Variants in RAP1GAP2 observed in about 807,000 individuals in gnomAD.
The protein encoded by RAP1GAP2 is RAP1 GTPase activating protein 2, also known as rap1 GTPase-activating protein 2.
RAP1GAP2 carries 27 observed loss-of-function variants against 95.0 expected under a neutral mutation model. The ratio of observed to expected loss-of-function variants is 0.28; its 90% CI spans 0.21 to 0.39. The LOEUF is 0.39. RAP1GAP2 is among the 10% of genes least tolerant of loss of function. RAP1GAP2 has a pLI of 1.00. For missense variants in RAP1GAP2, 771 were observed against 970.0 expected, an observed-to-expected ratio of 0.79 and a Z score of 2.72; for synonymous variants, 373 against 380.9, an observed-to-expected ratio of 0.98 and a Z score of 0.24.
intron 2 of RAP1GAP2, among the ~76,000 whole-genome samples, chr17:2,895,997 C>G (rs369833157): frequency 3.2e-4 from 49 of 152,034 alleles, no homozygotes; most frequent in African/African-American, 1.2e-3. Context: ...TGCTTCTGTG[C>G]CCTCCCCTTC....
chr17:2,933,421 C>G (rs1022942787), intron 3 of RAP1GAP2, among the ~76,000 whole-genome samples: 1 of 152,214 alleles, frequency 6.6e-6, no homozygotes, highest in Non-Finnish European at 1.5e-5. Flanking sequence ...GGAGAGGGTA[C>G]AAGCTGCGGA....
intron 19 of RAP1GAP2, among the ~76,000 whole-genome samples, chr17:3,025,560 A>G (rs1004209807): frequency 2.6e-5 from 4 of 152,188 alleles, no homozygotes; most frequent in Non-Finnish European, 5.9e-5. Context: ...ATTCTAGTCT[A>G]TATGAAGGAT....
rs545648656 is a variant in RAP1GAP2, at chr17:2,777,482, T to G, written c.-14+204T>G. 2.0e-5 allele frequency among the ~76,000 whole-genome samples: 3 copies of G among 152,224 alleles called. No homozygotes were observed. In the East Asian group the frequency reaches 5.8e-4, roughly 29 times the overall value. On this transcript the variant is annotated intron_variant, in intron 1 of 24. Coordinates refer to the RAP1GAP2 transcript ENST00000540393. ...GCGGGGCCCGATTTCAGCCTGATCCTCATTTCCAGAGGCCTGGATGGGTGT... is the reference window on the plus strand; with the variant it reads ...GCGGGGCCCGATTTCAGCCTGATCCGCATTTCCAGAGGCCTGGATGGGTGT...
intron 3 of RAP1GAP2, among the ~76,000 whole-genome samples, chr17:2,907,327 A>T (rs1294705264): frequency 1.3e-5 from 2 of 152,214 alleles, no homozygotes; most frequent in African/African-American, 4.8e-5. Flanking sequence ...GATGCGGGGC[A>T]GGCAAGACCC....
chr17:2,825,913 G>A lies in RAP1GAP2; in HGVS notation c.80+25363G>A, dbSNP rs1395718694. The stretch of plus-strand genomic sequence containing the variant: ...TTCTTGAAGGAGGCGGCGCTGGAAG[G>A]TTGAAAAGGAATCCCTAGGAAGAGA... On this transcript the variant is annotated intron_variant, in intron 2 of 24. Coordinates refer to ENST00000254695, the MANE Select transcript of RAP1GAP2 (RefSeq NM_015085.5). The surrounding 1 kb of genome is among the most constrained non-coding windows in gnomAD (Gnocchi z 4.1). Among the ~76,000 whole-genome samples the A allele has an allele frequency of 3.3e-5, 5 of 151,888 alleles. No individual in the cohort carries two copies. The East Asian group carries it at 7.7e-4, about 23-fold the overall frequency.
chr17:2,999,790 A>AC (rs1451394723), intron 14 of RAP1GAP2, among the ~76,000 whole-genome samples: 1 of 151,948 alleles, frequency 6.6e-6, no homozygotes, highest in African/African-American at 2.4e-5. Context: ...CTAAAAAAAA[A>AC]AAAAAACAGA....
intron 2 of RAP1GAP2, among the ~76,000 whole-genome samples, chr17:2,804,300 G>T (rs1303649825): frequency 6.6e-6 from 1 of 152,224 alleles, no homozygotes. Context: ...TTCACTGTGT[G>T]CTCAGGCTTC....
At position 2,868,093 on chromosome 17, in the gene RAP1GAP2, G is replaced by C. The variant is rs140488787; in HGVS notation, c.81-37191G>C. Among the ~76,000 whole-genome samples, 962 of 152,312 alleles carry C rather than the reference G, an allele frequency of 6.3e-3. 6 individuals are homozygous for C. Among genetic ancestry groups the C allele is most frequent in the African/African-American group, 0.022 (902 of 41,558 alleles). On this transcript the variant is annotated intron_variant, in intron 2 of 24. Coordinates refer to ENST00000254695, the MANE Select transcript of RAP1GAP2 (RefSeq NM_015085.5). ...GCTCTCGGCTCTGGGATTGGATAAT[G>C]TGTCCCCTTCCTGTTTTGCTTATGC... is the stretch of plus-strand genomic sequence containing the variant.
At chr17:2,839,257 C>T (rs917625268) in intron 2 of RAP1GAP2, among the ~76,000 whole-genome samples, 2 of 151,844 alleles carry the variant, frequency 1.3e-5, no homozygotes, top group African/African-American at 4.8e-5. Flanking sequence ...AACCAGTGAG[C>T]CGAGGTCACG....
At chr17:2,765,359 A>G (rs943838094) in intron 1 of RAP1GAP2, among the ~76,000 whole-genome samples, 5 of 151,846 alleles carry the variant, frequency 3.3e-5, no homozygotes, top group African/African-American at 1.2e-4. Context: ...GGTAGCTAAC[A>G]CCTGTAATCC....
chr17:3,002,412 C>A lies in RAP1GAP2; in HGVS notation c.1201-2957C>A, dbSNP rs369576009. On this transcript the variant is annotated intron_variant, in intron 14 of 24. Transcript: ENST00000254695. ...CAGACACTGAGGCTGGAAGGCCAGA[C>A]GTGTGAATGAGGCCAGGGAGGGGGA... 6.6e-5 allele frequency among the ~76,000 whole-genome samples: 10 copies of A among 152,320 alleles called. 1 individual carries two copies. The South Asian group carries it at 2.1e-3, about 32-fold the overall frequency.
Position 2,810,357 on chromosome 17 carries a change from G to A in RAP1GAP2, c.80+9807G>A, listed in dbSNP as rs2069710750. On this transcript the variant is annotated intron_variant, in intron 2 of 24. Transcript: ENST00000254695. ...GCTTGAGATTTAAAAAGTCAAATTA[G>A]TCGTTTTTTTTTTTTAATTATACTT... Among the ~76,000 whole-genome samples the A allele has an allele frequency of 2.0e-5, 3 of 151,238 alleles. No individual in the cohort carries two copies. The South Asian group carries it at 6.3e-4, about 32-fold the overall frequency.
intron 14 of RAP1GAP2, among the ~76,000 whole-genome samples, chr17:3,000,489 C>G (rs554303265): frequency 0.048 from 997 of 20,874 alleles, 4 homozygotes; most frequent in Middle Eastern, 0.1. Flanking sequence ...AAGTGGGGCT[C>G]GTGGAGGTAA....
At chr17:2,840,124 A>G (rs530982705) in intron 2 of RAP1GAP2, among the ~76,000 whole-genome samples, 1 of 151,944 alleles carries the variant, frequency 6.6e-6, no homozygotes, top group Non-Finnish European at 1.5e-5. Flanking sequence ...GTTTTGTCAG[A>G]TGTCTCCATT....
intron 23 of RAP1GAP2, among the ~76,000 whole-genome samples, chr17:3,032,199 G>T (rs113989516): frequency 6.7e-6 from 1 of 150,272 alleles, no homozygotes; most frequent in Non-Finnish European, 1.5e-5. Context: ...AGGTGGGAAG[G>T]GCTGGTTCCC....
At chr17:2,920,490 G>A (rs370902601) in intron 3 of RAP1GAP2, among the ~76,000 whole-genome samples, 1 of 152,050 alleles carries the variant, frequency 6.6e-6, no homozygotes, top group Non-Finnish European at 1.5e-5. Context: ...TGCCTCCCCC[G>A]CTGGATGGTG....
At chr17:2,986,756 G>A (rs554810829) in intron 11 of RAP1GAP2, among the ~76,000 whole-genome samples, 2 of 152,234 alleles carry the variant, frequency 1.3e-5, no homozygotes, top group East Asian at 3.9e-4. Flanking sequence ...TCCAGCTCAA[G>A]GCCAGGATCA....
chr17:2,992,968 T>C (rs574360080), intron 12 of RAP1GAP2, among the ~76,000 whole-genome samples: 8 of 149,498 alleles, frequency 5.4e-5, no homozygotes, highest in Non-Finnish European at 1.2e-4. Context: ...CCCAGCACTT[T>C]GGGAGGCCGA....
Position 3,003,134 on chromosome 17 carries a change from A to G in RAP1GAP2, c.1201-2235A>G, listed in dbSNP as rs1400067393. Among the ~76,000 whole-genome samples the G allele has an allele frequency of 6.6e-6, 1 of 152,088 alleles. No homozygotes were observed. On this transcript the variant is annotated intron_variant, in intron 14 of 24. Transcript: ENST00000254695. The surrounding 1 kb of genome is among the most constrained non-coding windows in gnomAD (Gnocchi z 4.1). Reference sequence around the variant, plus strand: ...CTAGAGGGAGGAAATGGAAGCTGAGAGCTGAACCCACTTAAGGCCTGAGGC... The same window carrying G: ...CTAGAGGGAGGAAATGGAAGCTGAGGGCTGAACCCACTTAAGGCCTGAGGC...
Sources: gnomAD v4.1 joint callset for allele counts (sites outside exome capture counted in the v4.1 genomes callset) on GRCh38, gnomAD v4.1.1 for gene constraint, Gnocchi (gnomAD v3.1) non-coding constraint, MANE v1.5 for transcripts, NCBI Gene and HGNC (gene_info 2026-07-23, HGNC 2026-07-21) for gene names.